The following GPHN variants were observed in gnomAD, a reference collection of about 807,000 sequenced individuals.
GPHN encodes the protein gephyrin.
In GPHN, 17 loss-of-function variants were observed where a neutral mutation model predicts 95.5. The ratio of observed to expected loss-of-function variants is 0.18; its 90% confidence interval spans 0.12 to 0.27. The LOEUF (loss-of-function observed/expected upper bound fraction) is 0.27, where lower values mean the gene tolerates loss of function less well. GPHN is among the 10% of genes least tolerant of loss of function. The pLI is 1.00. For synonymous variants in GPHN, 320 were observed against 322.5 expected, an observed-to-expected ratio of 0.99 and a Z score of 0.08; for missense variants, 660 against 978.1, an observed-to-expected ratio of 0.67 and a Z score of 4.34.
the GPHN span, among the ~76,000 whole-genome samples, chr14:67,403,289 T>G: frequency 3.9e-5 from 6 of 152,208 alleles, no homozygotes; most frequent in African/African-American, 1.4e-4. Flanking sequence ...TAGTCAAACA[T>G]GGGAAAACAA....
At chr14:66,565,771 A>G (rs982780727) in intron 1 of GPHN, among the ~76,000 whole-genome samples, 2 of 152,320 alleles carry the variant, frequency 1.3e-5, no homozygotes, top group East Asian at 1.9e-4. Flanking sequence ...ATTATGTAAT[A>G]TATGTGTGAA....
intron 2 of GPHN, among the ~76,000 whole-genome samples, chr14:66,717,842 G>A (rs1286505782): frequency 6.6e-6 from 1 of 152,208 alleles, no homozygotes; most frequent in African/African-American, 2.4e-5. Flanking sequence ...TCTGCACAGA[G>A]TCCTGTGATG....
the GPHN span, chr14:67,199,771 G>A: frequency 6.5e-7 from 1 of 1,535,570 alleles, no homozygotes; most frequent in East Asian, 2.3e-5. Flanking sequence ...CACCAGGCAT[G>A]CCTCCTCCTG....
chr14:67,302,792 A>G, the GPHN span, among the ~76,000 whole-genome samples: 1 of 151,888 alleles, frequency 6.6e-6, no homozygotes, highest in African/African-American at 2.4e-5. Flanking sequence ...CATATATTTT[A>G]TTTTTCTGGA....
intron 3 of GPHN, among the ~76,000 whole-genome samples, chr14:66,815,805 T>C (rs1271642198): frequency 6.6e-6 from 1 of 152,052 alleles, no homozygotes; most frequent in Non-Finnish European, 1.5e-5. Context: ...TCCACACATA[T>C]CAATACTAAC....
the GPHN span, chr14:67,303,440 G>A: frequency 8.8e-7 from 1 of 1,139,094 alleles, no homozygotes; most frequent in Non-Finnish European, 1.3e-6. Flanking sequence ...AAATAGTCCA[G>A]TTTAGGGAAT....
At chr14:67,518,239 A>G in the GPHN span, among the ~76,000 whole-genome samples, 4 of 152,244 alleles carry the variant, frequency 2.6e-5, no homozygotes, top group Non-Finnish European at 5.9e-5. Context: ...GGTATGGGCC[A>G]GGAACAGACA....
chr14:66,629,384 CTG>C lies in GPHN; in HGVS notation c.65-51721_65-51720del, dbSNP rs2063696658. 3.3e-5 allele frequency among the ~76,000 whole-genome samples: 5 copies of C among 151,760 alleles called. 1 individual carries two copies. In the South Asian group the frequency reaches 1.0e-3, roughly 31 times the overall value. On this transcript the variant is annotated intron_variant, in intron 1 of 22. Coordinates refer to ENST00000478722, the MANE Select transcript of GPHN (RefSeq NM_020806.5). ...CACAGGGTCAGGATCATCAGTATCA[CTG>C]TCTTCCACCTCCTTATCTTGTCTCA... is the stretch of plus-strand genomic sequence containing the variant.
In GPHN at chr14:67,047,366, GTTTTT is replaced by G. The variant is rs1196897917; in HGVS notation, c.1007-11270_1007-11266del. Among the ~76,000 whole-genome samples the G allele has an allele frequency of 4.2e-3, 459 of 108,714 alleles. 3 individuals are homozygous for G. Among genetic ancestry groups the G allele is most frequent in the Non-Finnish European group, 6.5e-3 (337 of 51,616 alleles). 71.3% of individuals were successfully genotyped at this position (108,714 alleles called of 152,430 possible). ...TGTGTGTGTGTGTGTGTGTGTGTTT[GTTTTT>G]TTTTTTTTTTTTGAGACAGAGTCTC... On this transcript the variant is annotated intron_variant, in intron 10 of 22. Coordinates refer to ENST00000478722, the MANE Select transcript of GPHN (RefSeq NM_020806.5).
At chr14:67,531,972 A>C in the GPHN span, among the ~76,000 whole-genome samples, 2 of 151,852 alleles carry the variant, frequency 1.3e-5, no homozygotes, top group African/African-American at 2.4e-5. Flanking sequence ...AAATCCAGAG[A>C]ACGTGTTTTT....
chr14:67,389,290 C>T, the GPHN span, among the ~76,000 whole-genome samples: 5 of 152,128 alleles, frequency 3.3e-5, no homozygotes, highest in Admixed American at 6.5e-5. Context: ...GGAAGGGATC[C>T]GCCCCAGCCT....
At chr14:67,626,503 A>C in the GPHN span, among the ~76,000 whole-genome samples, 1 of 152,140 alleles carries the variant, frequency 6.6e-6, no homozygotes, top group African/African-American at 2.4e-5. Context: ...AACAGAATTC[A>C]AAACATATAT....
At chr14:67,507,819 C>T in the GPHN span, among the ~76,000 whole-genome samples, 5 of 152,194 alleles carry the variant, frequency 3.3e-5, no homozygotes. Flanking sequence ...CACCACCTCT[C>T]AGCTGCCCCA....
chr14:67,347,558 A>C, the GPHN span: 2 of 977,224 alleles, frequency 2.0e-6, no homozygotes, highest in South Asian at 1.5e-5. Context: ...CTGGAATGCA[A>C]TGGCGTGATC....
At chr14:67,486,227 T>C in the GPHN span, among the ~76,000 whole-genome samples, 1 of 152,244 alleles carries the variant, frequency 6.6e-6, no homozygotes, top group Admixed American at 6.5e-5. Flanking sequence ...CAGGTCTTTC[T>C]CATGCTGTTC....
At chr14:66,748,535 C>T (rs1334519712) in intron 2 of GPHN, among the ~76,000 whole-genome samples, 4 of 151,866 alleles carry the variant, frequency 2.6e-5, no homozygotes, top group African/African-American at 7.2e-5. Context: ...CATTATTACC[C>T]GATCCATACT....
At chr14:66,660,495 G>A (rs2065577021) in intron 1 of GPHN, among the ~76,000 whole-genome samples, 1 of 151,934 alleles carries the variant, frequency 6.6e-6, no homozygotes, top group Non-Finnish European at 1.5e-5. Flanking sequence ...GGGTTGGTAT[G>A]CTGGTAAAAA....
At chr14:66,758,720 A>G (rs990292861) in intron 2 of GPHN, among the ~76,000 whole-genome samples, 4 of 152,108 alleles carry the variant, frequency 2.6e-5, no homozygotes, top group Admixed American at 1.3e-4. Context: ...TTATTTTCCC[A>G]AAGAAACCTC....
chr14:66,649,881 T>C (rs1208508146), intron 1 of GPHN, among the ~76,000 whole-genome samples: 2 of 152,198 alleles, frequency 1.3e-5, no homozygotes, highest in Non-Finnish European at 2.9e-5. Flanking sequence ...CCAGCACTTC[T>C]TTTAATTCAT....
Sources: gnomAD v4.1 joint callset for allele counts (sites outside exome capture counted in the v4.1 genomes callset) on GRCh38, gnomAD v4.1.1 for gene constraint, MANE v1.5 for transcripts, NCBI Gene and HGNC (gene_info 2026-07-23, HGNC 2026-07-21) for gene names.